Variants in FAM78B observed in about 807,000 individuals in gnomAD.
FAM78B encodes protein FAM78B.
Under a neutral mutation model 20.0 loss-of-function variants are expected in FAM78B, and 10 were observed. The ratio of observed to expected loss-of-function variants is 0.50; its 90% confidence interval spans 0.31 to 0.85. FAM78B has a LOEUF of 0.85. Among genes scored for constraint, FAM78B ranks in the 40% least tolerant of loss-of-function variants. The pLI, the probability that FAM78B is intolerant of heterozygous loss-of-function variation, is 0.05. For missense variants in FAM78B, 283 were observed against 345.0 expected (o/e 0.82, Z 1.42); for synonymous variants, 135 against 132.8 (o/e 1.02, Z -0.12).
At chr1:166,077,661 A>AT (rs1160742334) in intron 1 of FAM78B, among the ~76,000 whole-genome samples, 2 of 91,366 alleles carry the variant, frequency 2.2e-5, no homozygotes, top group Non-Finnish European at 5.3e-5. Flanking sequence ...AAATTATAAT[A>AT]AATACATATA....
At chr1:166,098,454 A>G (rs1653373840) in intron 1 of FAM78B, among the ~76,000 whole-genome samples, 1 of 152,190 alleles carries the variant, frequency 6.6e-6, no homozygotes, top group Non-Finnish European at 1.5e-5. Context: ...GGGAGGGACC[A>G]GAGAAAGGTG....
chr1:166,092,495 G>T (rs543149737), intron 1 of FAM78B, among the ~76,000 whole-genome samples: 1 of 152,304 alleles, frequency 6.6e-6, no homozygotes, highest in Admixed American at 6.5e-5. Flanking sequence ...GCCCCTTGCT[G>T]TGGATTCAGT....
intron 1 of FAM78B, among the ~76,000 whole-genome samples, chr1:166,124,947 A>C (rs1439748780): frequency 6.6e-6 from 1 of 152,162 alleles, no homozygotes; most frequent in Admixed American, 6.5e-5. Context: ...CCCTACACCC[A>C]CCAGGTCACC....
chr1:166,108,271 G>C (rs1653866264), intron 1 of FAM78B, among the ~76,000 whole-genome samples: 1 of 152,140 alleles, frequency 6.6e-6, no homozygotes, highest in Non-Finnish European at 1.5e-5. Flanking sequence ...AAAGCTCCTA[G>C]AACTGATAAA....
At chr1:166,107,946 C>T (rs984305877) in intron 1 of FAM78B, among the ~76,000 whole-genome samples, 1 of 152,154 alleles carries the variant, frequency 6.6e-6, no homozygotes, top group East Asian at 1.9e-4. Context: ...TCCAGCATCA[C>T]TTTATGATTA....
chr1:166,132,424 G>A (rs1312726282), intron 1 of FAM78B, among the ~76,000 whole-genome samples: 1 of 152,090 alleles, frequency 6.6e-6, no homozygotes, highest in Non-Finnish European at 1.5e-5. Context: ...CTGCAAAATG[G>A]GGATAATATT....
chr1:166,074,533 A>G (rs1476156818), intron 1 of FAM78B, among the ~76,000 whole-genome samples: 2 of 152,214 alleles, frequency 1.3e-5, no homozygotes, highest in Non-Finnish European at 2.9e-5. Flanking sequence ...ATAAAACTTA[A>G]TAACTATTTA....
In FAM78B at chr1:166,146,780, T is replaced by C. The variant is rs369224841; in HGVS notation, c.263+19206A>G. Among the ~76,000 whole-genome samples the C allele has an allele frequency of 2.2e-4, 33 of 152,296 alleles. No individual in the cohort carries two copies. The South Asian group carries it at 6.2e-3, about 29-fold the overall frequency. ...AACATCTCAGTCAACCTTTCAACAA[T>C]AGTAGAAATGGCCTTCTGAGCATTG... On this transcript the variant is annotated intron_variant, in intron 1 of 1. Coordinates refer to ENST00000354422, the MANE Select transcript of FAM78B (RefSeq NM_001017961.5).
At chr1:166,158,327 T>C (rs868024560) in intron 1 of FAM78B, among the ~76,000 whole-genome samples, 2 of 152,116 alleles carry the variant, frequency 1.3e-5, no homozygotes, top group South Asian at 2.1e-4. Flanking sequence ...TTATCTCAAA[T>C]AGACGGATAG....
intron 1 of FAM78B, among the ~76,000 whole-genome samples, chr1:166,073,538 T>C (rs6674951): frequency 0.083 from 8,779 of 106,276 alleles, 748 homozygotes; most frequent in African/African-American, 0.33. Flanking sequence ...CTTTCTCTCT[T>C]TTTTTTTTTT....
intron 1 of FAM78B, among the ~76,000 whole-genome samples, chr1:166,134,287 T>C (rs968796382): frequency 7.3e-5 from 11 of 151,124 alleles, no homozygotes; most frequent in Admixed American, 2.0e-4. Flanking sequence ...CACAGTATTT[T>C]GCTGCCAATG....
At chr1:166,106,849 T>A (rs1653806807) in intron 1 of FAM78B, among the ~76,000 whole-genome samples, 1 of 152,040 alleles carries the variant, frequency 6.6e-6, no homozygotes, top group African/African-American at 2.4e-5. Flanking sequence ...GTAAGAAACT[T>A]GCACATGTAC....
At chr1:166,073,228 A>C (rs866092269) in intron 1 of FAM78B, among the ~76,000 whole-genome samples, 3 of 152,206 alleles carry the variant, frequency 2.0e-5, no homozygotes, top group Non-Finnish European at 2.9e-5. Flanking sequence ...GAATAGTGAC[A>C]TTGGAGGTTA....
At position 166,115,842 on chromosome 1, in the gene FAM78B, G is replaced by C. The variant is rs918684055; in HGVS notation, c.264-45079C>G. Among the ~76,000 whole-genome samples the C allele has an allele frequency of 4.6e-5, 7 of 152,188 alleles. No individual in the cohort carries two copies. In the South Asian group the frequency reaches 1.5e-3, roughly 32 times the overall value. ...ATTTCCCATCTCAGTCAAATCCTTGGATCTTTCTGAACTTCAACTTCCTTG... is the reference window on the plus strand; with the variant it reads ...ATTTCCCATCTCAGTCAAATCCTTGCATCTTTCTGAACTTCAACTTCCTTG... On this transcript the variant is annotated intron_variant, in intron 1 of 1. Coordinates refer to ENST00000354422, the MANE Select transcript of FAM78B (RefSeq NM_001017961.5).
chr1:166,126,715 CATG>C (rs775339967), intron 1 of FAM78B, among the ~76,000 whole-genome samples: 1 of 152,090 alleles, frequency 6.6e-6, no homozygotes, highest in African/African-American at 2.4e-5. Flanking sequence ...CACAATAATA[CATG>C]ATAATTATTG....
chr1:166,082,597 T>C (rs2101725176), intron 1 of FAM78B: 1 of 152,392 alleles, frequency 6.6e-6, no homozygotes, highest in Non-Finnish European at 1.5e-5. Context: ...TGCTTGTGTC[T>C]ATGACAGTTT....
intron 1 of FAM78B, among the ~76,000 whole-genome samples, chr1:166,152,237 A>G (rs1245001850): frequency 6.6e-6 from 1 of 152,186 alleles, no homozygotes; most frequent in African/African-American, 2.4e-5. Context: ...GGAGCTTTGC[A>G]GCAGAGAAGC....
intron 1 of FAM78B, among the ~76,000 whole-genome samples, chr1:166,113,845 C>T (rs1654156040): frequency 6.6e-6 from 1 of 152,204 alleles, no homozygotes; most frequent in Non-Finnish European, 1.5e-5. Context: ...CTCTATTCAG[C>T]TCTCTCCTCA....
downstream of FAM78B, among the ~76,000 whole-genome samples, chr1:166,066,963 C>CA (rs1394406604): frequency 7.8e-6 from 1 of 128,074 alleles, no homozygotes; most frequent in African/African-American, 3.0e-5. Context: ...GCGAAGGGCC[C>CA]ATATTAAGGG....
Sources: allele counts gnomAD v4.1 joint callset (sites outside exome capture counted in the v4.1 genomes callset), GRCh38; gene constraint gnomAD v4.1.1; transcripts MANE v1.5; gene names NCBI Gene and HGNC (gene_info 2026-07-23, HGNC 2026-07-21).